ITFG1: variants seen among roughly 807,000 people sequenced by gnomAD.
The protein encoded by ITFG1 is T-cell immunomodulatory protein.
A neutral mutation model predicts 81.8 loss-of-function variants in ITFG1; 34 were observed. The ratio of observed to expected loss-of-function variants is 0.42; its 90% CI spans 0.32 to 0.55. ITFG1 has a LOEUF of 0.55. Ranked by LOEUF, ITFG1 falls within the 20% of genes least tolerant of loss-of-function variation. The pLI, the probability that ITFG1 is intolerant of heterozygous loss-of-function variation, is 0.17. For missense variants in ITFG1, 672 were observed against 755.4 expected, an observed-to-expected ratio of 0.89 and a Z score of 1.29; for synonymous variants, 285 against 270.6, an observed-to-expected ratio of 1.05 and a Z score of -0.52.
intron 10 of ITFG1, among the ~76,000 whole-genome samples, chr16:47,270,459 A>G (rs1966326381): frequency 6.6e-6 from 1 of 152,250 alleles, no homozygotes. Context: ...AAGACCAACC[A>G]TACCGATTTT....
Position 47,451,462 on chromosome 16 carries a change from C to A in ITFG1, c.494G>T (p.Gly165Val), listed in dbSNP as rs1217752927. 6.4e-7 allele frequency: 1 copy of A among 1,551,306 alleles called. No individual in the cohort carries two copies. The highest frequency in any genetic ancestry group is 8.9e-7 in the Non-Finnish European group (1 of 1,126,760). Residue 165 changes from glycine to valine, a missense_variant, in exon 5 of 18, where the codon GGT becomes GTT. Gly to Val is a moderately radical substitution (Grantham distance 109). Coordinates refer to ENST00000320640, the MANE Select transcript of ITFG1 (RefSeq NM_030790.5). ...ACCAAAAATATCAGGAATTAGATCA[C>A]CATTGAAACTGAAAAAAAATTAAAA... ...QDEPLIMDFN[G>V]DLIPDIFGIT...
intron 14 of ITFG1, among the ~76,000 whole-genome samples, chr16:47,189,098 T>C (rs1017427370): frequency 2.6e-5 from 4 of 152,252 alleles, no homozygotes; most frequent in African/African-American, 9.6e-5. Context: ...TCTTCTAATT[T>C]CTTTTTTGGA....
intron 6 of ITFG1, among the ~76,000 whole-genome samples, chr16:47,423,811 C>A (rs1002919852): frequency 6.6e-6 from 1 of 151,148 alleles, no homozygotes; most frequent in Non-Finnish European, 1.5e-5. Context: ...TTAGTCTGAT[C>A]GGCTTCCCTT....
chr16:47,376,714 G>A (rs1458107922), intron 6 of ITFG1, among the ~76,000 whole-genome samples: 4 of 152,206 alleles, frequency 2.6e-5, no homozygotes, highest in South Asian at 4.1e-4. Flanking sequence ...CTGGCAGGGC[G>A]CTGTGGCTCA....
chr16:47,425,355 C>T (rs185026761), intron 6 of ITFG1, among the ~76,000 whole-genome samples: 92 of 152,264 alleles, frequency 6.0e-4, no homozygotes, highest in Middle Eastern at 6.8e-3. Flanking sequence ...TCTGTCACGG[C>T]TTCCCTTTGG....
At chr16:47,294,698 T>C (rs893399919) in intron 10 of ITFG1, among the ~76,000 whole-genome samples, 2 of 152,190 alleles carry the variant, frequency 1.3e-5, no homozygotes, top group South Asian at 2.1e-4. Context: ...CAGAGTTTTG[T>C]ATGTTGATTT....
Position 47,362,535 on chromosome 16 carries a change from C to T in ITFG1, c.802+3253G>A, listed in dbSNP as rs376337191. ...TATTCATTTGGTAATCCAATGGATT[C>T]CCAGGCCATTTATTATGCTTCTATA... On this transcript the variant is annotated intron_variant, in intron 8 of 17. Coordinates refer to ENST00000320640, the MANE Select transcript of ITFG1 (RefSeq NM_030790.5). Among the ~76,000 whole-genome samples the T allele has an allele frequency of 1.9e-4, 29 of 152,298 alleles. 1 individual carries two copies. The South Asian group carries it at 5.6e-3, about 29-fold the overall frequency.
rs139378678 is a variant in ITFG1, at chr16:47,385,262, C to T, written c.656-9322G>A. On this transcript the variant is annotated intron_variant, in intron 6 of 17. Transcript: ENST00000320640. ...AAAGTAATTTATTAAAATAATGAGG[C>T]ACACTCATGGCCTCTAATAAAATTA... Among the ~76,000 whole-genome samples the T allele has an allele frequency of 7.1e-3, 1,084 of 152,220 alleles. 17 individuals are homozygous for T. The highest frequency in any genetic ancestry group is 0.025 in the African/African-American group (1,039 of 41,520).
Position 47,341,584 on chromosome 16 carries a change from C to T in ITFG1, c.802+24204G>A, listed in dbSNP as rs1967785462. ...GAGAAACCAGAAAAAGAACAAAGTCCAAAGAGCAAAGATGAGGAAAGAAAA... is the reference window on the plus strand; with the variant it reads ...GAGAAACCAGAAAAAGAACAAAGTCTAAAGAGCAAAGATGAGGAAAGAAAA... On this transcript the variant is annotated intron_variant, in intron 8 of 17. Coordinates refer to ENST00000320640, the MANE Select transcript of ITFG1 (RefSeq NM_030790.5). 4.0e-5 allele frequency among the ~76,000 whole-genome samples: 6 copies of T among 151,352 alleles called. No individual in the cohort carries two copies. The South Asian group carries it at 1.2e-3, about 31-fold the overall frequency.
At chr16:47,410,253 T>TG (rs1968793220) in intron 6 of ITFG1, among the ~76,000 whole-genome samples, 1 of 152,124 alleles carries the variant, frequency 6.6e-6, no homozygotes, top group Admixed American at 6.6e-5. Flanking sequence ...CATTCCAGCC[T>TG]GGGTGACAGA....
intron 13 of ITFG1, among the ~76,000 whole-genome samples, chr16:47,229,529 T>C (rs772748468): frequency 6.6e-6 from 1 of 151,740 alleles, no homozygotes; most frequent in Non-Finnish European, 1.5e-5. Context: ...GGGTAGCCAC[T>C]GAAGGTTTGT....
intron 6 of ITFG1, among the ~76,000 whole-genome samples, chr16:47,398,736 T>C (rs1188894190): frequency 1.3e-5 from 2 of 152,248 alleles, no homozygotes; most frequent in African/African-American, 4.8e-5. Flanking sequence ...CTGTTCAGAA[T>C]GATATCACAA....
intron 12 of ITFG1, among the ~76,000 whole-genome samples, chr16:47,245,133 G>A (rs1260579743): frequency 6.6e-6 from 1 of 152,078 alleles, no homozygotes; most frequent in Non-Finnish European, 1.5e-5. Context: ...GACCACCTAA[G>A]GTCAGGAGTT....
At chr16:47,181,336 C>A (rs1393272449) in intron 14 of ITFG1, among the ~76,000 whole-genome samples, 4 of 151,086 alleles carry the variant, frequency 2.6e-5, no homozygotes, top group Non-Finnish European at 5.9e-5. Flanking sequence ...GCAGCCGCCC[C>A]GTCCGGGAGG....
chr16:47,376,108 C>A (rs372069688), intron 6 of ITFG1, among the ~76,000 whole-genome samples, 168 bp from the exon 7 acceptor site: 3 of 151,756 alleles, frequency 2.0e-5, no homozygotes, highest in Admixed American at 6.6e-5. Context: ...AAGCAGATGA[C>A]CCTGCATTAA....
At chr16:47,441,652 A>G (rs1969252397) in intron 5 of ITFG1, among the ~76,000 whole-genome samples, 1 of 152,306 alleles carries the variant, frequency 6.6e-6, no homozygotes, top group East Asian at 1.9e-4. Flanking sequence ...AAAACTCTCA[A>G]TAAATTAGGT....
intron 10 of ITFG1, among the ~76,000 whole-genome samples, chr16:47,310,135 A>G (rs1967234280): frequency 6.6e-6 from 1 of 152,240 alleles, no homozygotes; most frequent in Admixed American, 6.5e-5. Flanking sequence ...CAGAGACATT[A>G]TAATTTCAAA....
rs1567501300 is a variant in ITFG1 at position 47,440,831 on chromosome 16, A to G, written c.560+10565T>C. 2.0e-5 allele frequency among the ~76,000 whole-genome samples: 3 copies of G among 152,334 alleles called. No homozygotes were observed. The East Asian group carries it at 5.8e-4, about 29-fold the overall frequency. ...AGCTAGCAGAAGGCAAGAAATAACT[A>G]AGATCAGAGCAGAACTGAAGGAGAC... On this transcript the variant is annotated intron_variant, in intron 5 of 17. Coordinates refer to ENST00000320640, the MANE Select transcript of ITFG1 (RefSeq NM_030790.5).
rs879479618 is a variant in ITFG1 at position 47,414,257 on chromosome 16, A to AT, written c.655+14546dup. Among the ~76,000 whole-genome samples the AT allele has an allele frequency of 7.3e-3, 1,067 of 145,768 alleles. 6 individuals carry two copies. Among genetic ancestry groups the AT allele is most frequent in the African/African-American group, 0.016 (625 of 39,926 alleles). ...TGTAATGGAATAATACCAAGGATCT[A>AT]TTTTTTTTTTTTTATCCCAGTTCTG... is the stretch of plus-strand genomic sequence containing the variant. On this transcript the variant is annotated intron_variant, in intron 6 of 17. Transcript: ENST00000320640.
Sources: allele counts gnomAD v4.1 joint callset (sites outside exome capture counted in the v4.1 genomes callset), GRCh38; gene constraint gnomAD v4.1.1; transcripts MANE v1.5; gene names NCBI Gene and HGNC (gene_info 2026-07-23, HGNC 2026-07-21).